The following ZC3H13 variants were observed in gnomAD, a reference collection of about 807,000 sequenced individuals.
ZC3H13 encodes the protein zinc finger CCCH domain-containing protein 13.
In ZC3H13, 64 loss-of-function variants were observed where a neutral mutation model predicts 204.1. The ratio of observed to expected loss-of-function variants is 0.31; its 90% CI spans 0.26 to 0.39. The LOEUF is 0.39. ZC3H13 is among the 10% of genes least tolerant of loss of function. ZC3H13 has a pLI of 1.00. For synonymous variants in ZC3H13, 667 were observed against 693.7 expected (o/e 0.96, Z 0.60); for missense variants, 1,833 against 2,082.7 (o/e 0.88, Z 2.33).
chr13:46,004,462 C>T (rs1464127164), intron 7 of ZC3H13, among the ~76,000 whole-genome samples: 1 of 152,088 alleles, frequency 6.6e-6, no homozygotes, highest in Non-Finnish European at 1.5e-5. Flanking sequence ...ATCACTTGAA[C>T]CCGGAAGAAA....
At chr13:46,048,823 G>A (rs547870276) in intron 1 of ZC3H13, among the ~76,000 whole-genome samples, 4 of 151,816 alleles carry the variant, frequency 2.6e-5, no homozygotes, top group East Asian at 2.0e-4. Flanking sequence ...CCAATTTAGC[G>A]AAGAAATGAA....
At chr13:46,032,296 A>G (rs144269620) in intron 4 of ZC3H13, among the ~76,000 whole-genome samples, 1 of 151,892 alleles carries the variant, frequency 6.6e-6, no homozygotes, top group Non-Finnish European at 1.5e-5. Context: ...AATTATCTGT[A>G]CTTGATATCT....
At chr13:46,045,541 A>G (rs1262879018) in intron 1 of ZC3H13, 25 bp from the exon 2 acceptor site, 1 of 1,529,054 alleles carries the variant, frequency 6.5e-7, no homozygotes, top group East Asian at 2.3e-5. Flanking sequence ...GAAAGAGGCA[A>G]AACTGTAAAA....
At chr13:46,039,417 G>T (rs765539545) in intron 4 of ZC3H13, among the ~76,000 whole-genome samples, 1 of 152,214 alleles carries the variant, frequency 6.6e-6, no homozygotes, top group African/African-American at 2.4e-5. Context: ...CATTTATTAC[G>T]CATGTGTCAT....
At chr13:46,039,757 G>A (rs892028580) in intron 4 of ZC3H13, among the ~76,000 whole-genome samples, 3 of 152,150 alleles carry the variant, frequency 2.0e-5, no homozygotes, top group African/African-American at 4.8e-5. Context: ...TACTTCTGAG[G>A]TTATTTACAT....
intron 7 of ZC3H13, among the ~76,000 whole-genome samples, chr13:46,008,316 C>A (rs1259855919): frequency 1.5e-5 from 1 of 67,264 alleles, no homozygotes. Context: ...AAATGTTATA[C>A]TCCAAAAAAA....
intron 6 of ZC3H13, among the ~76,000 whole-genome samples, chr13:46,010,941 T>C (rs1200293654): frequency 2.0e-5 from 3 of 152,150 alleles, no homozygotes; most frequent in Non-Finnish European, 2.9e-5. Context: ...CACTATCTGT[T>C]GATATTAGTC....
intron 7 of ZC3H13, among the ~76,000 whole-genome samples, chr13:46,003,702 C>G (rs954613115): frequency 6.6e-6 from 1 of 151,998 alleles, no homozygotes; most frequent in African/African-American, 2.4e-5. Context: ...TTCTACTACT[C>G]AAAGAGAACT....
intron 3 of ZC3H13, among the ~76,000 whole-genome samples, chr13:46,043,118 A>C (rs567680360): frequency 4.6e-5 from 7 of 152,114 alleles, no homozygotes; most frequent in African/African-American, 1.7e-4. Flanking sequence ...CCTTTAAAAC[A>C]GGGCAAAAGA....
At chr13:46,004,050 A>G (rs2040943640) in intron 7 of ZC3H13, among the ~76,000 whole-genome samples, 1 of 152,214 alleles carries the variant, frequency 6.6e-6, no homozygotes, top group African/African-American at 2.4e-5. Flanking sequence ...AACAAAGTGA[A>G]AAGGCAACTT....
chr13:46,013,907 G>C, intron 5 of ZC3H13, among the ~76,000 whole-genome samples: 1 of 151,986 alleles, frequency 6.6e-6, no homozygotes, highest in Non-Finnish European at 1.5e-5. Context: ...CTAATTAACA[G>C]AACAGGTAAA....
At chr13:46,050,903 A>C (rs2044359269) in intron 1 of ZC3H13, among the ~76,000 whole-genome samples, 1 of 150,686 alleles carries the variant, frequency 6.6e-6, no homozygotes, top group African/African-American at 2.4e-5. Context: ...CAAAAATACA[A>C]AAAAAAAAGA....
At chr13:45,963,676 A>G (rs1951854375) in intron 17 of ZC3H13, 166 bp downstream of exon 17, 1 of 1,450,958 alleles carries the variant, frequency 6.9e-7, no homozygotes, top group Admixed American at 2.7e-5. Context: ...AATAAATTTT[A>G]AAGAGAAACT....
chr13:45,999,360 T>C (rs1272684679), intron 8 of ZC3H13, among the ~76,000 whole-genome samples: 1 of 152,234 alleles, frequency 6.6e-6, no homozygotes, highest in Non-Finnish European at 1.5e-5. Context: ...GCTGCTGCTT[T>C]GTCAACAAAG....
In ZC3H13 at chr13:45,955,840, G is replaced by A. The variant is rs975816325; in HGVS notation, c.*1287C>T. The A allele has an allele frequency of 7.1e-4, 108 of 152,026 alleles. No individual in the cohort carries two copies. The highest frequency in any genetic ancestry group is 2.5e-3 in the African/African-American group (102 of 41,412). 9.4% of individuals were successfully genotyped at this position (152,026 alleles called of 1,614,324 possible). On this transcript the variant is annotated 3_prime_UTR_variant, in exon 19 of 19. Coordinates refer to ENST00000679008, the MANE Select transcript of ZC3H13 (RefSeq NM_001330564.2). ...TGTATAAAGTAACTTTACAACATAT[G>A]TTTCTTGAACAGAAACTTTACACCA...
In ZC3H13 at chr13:45,983,401, T is replaced by TTATATATC. The variant is rs71184434; in HGVS notation, c.1720+1895_1720+1896insGATATATA. Among the ~76,000 whole-genome samples, 5 of 35,490 alleles carry TTATATATC rather than the reference T, an allele frequency of 1.4e-4. No individual in the cohort carries two copies. In the South Asian group the frequency reaches 5.7e-3, roughly 40 times the overall value. 23.3% of individuals were successfully genotyped at this position (35,490 alleles called of 152,430 possible). On this transcript the variant is annotated intron_variant, in intron 10 of 18. Transcript: ENST00000679008. ...TGAAACAAAGCAAAGCCCCTTCTAC[T>TTATATATC]TATATATATATATTTTTTTTTTTTT...
chr13:45,957,303 T>C lies in ZC3H13; in HGVS notation c.4840-6A>G, dbSNP rs1382580740. 1 of 1,473,940 alleles carries C rather than the reference T, an allele frequency of 6.8e-7. No homozygotes were observed. The highest frequency in any genetic ancestry group is 2.3e-5 in the Admixed American group (1 of 43,714). The allele number at this position is 1,473,940 out of a possible 1,614,324, so 91.3% of individuals were successfully genotyped here. On this transcript the variant is annotated splice_region_variant and splice_polypyrimidine_tract_variant and intron_variant, in intron 18 of 18. Coordinates refer to ENST00000679008, the MANE Select transcript of ZC3H13 (RefSeq NM_001330564.2). ...TAAGCTTGTTTTATGGTGCCCTATT[T>C]GAAGAAAACAAAAACAAACTTTAAA...
At chr13:46,011,351 G>T in intron 6 of ZC3H13, 64 bp downstream of exon 6, 1 of 1,441,568 alleles carries the variant, frequency 6.9e-7, no homozygotes, top group Non-Finnish European at 9.3e-7. Context: ...AAGAAGCTGA[G>T]TTATCTGATC....
chr13:46,050,080 A>G (rs2044291970), intron 1 of ZC3H13, among the ~76,000 whole-genome samples: 1 of 152,228 alleles, frequency 6.6e-6, no homozygotes, highest in South Asian at 2.1e-4. Flanking sequence ...TTTGCAGAGC[A>G]AATGAATATC....
Sources: allele counts gnomAD v4.1 joint callset (sites outside exome capture counted in the v4.1 genomes callset), GRCh38; gene constraint gnomAD v4.1.1; transcripts MANE v1.5; gene names NCBI Gene and HGNC (gene_info 2026-07-23, HGNC 2026-07-21).